Variants in CHST11 observed in about 807,000 individuals in gnomAD.
CHST11 encodes the protein carbohydrate sulfotransferase 11.
In CHST11, 9 loss-of-function variants were observed where a neutral mutation model predicts 30.4. That is an observed-to-expected ratio of 0.30 (90% CI 0.18 to 0.52). The LOEUF is 0.52. CHST11 is among the 20% of genes least tolerant of loss of function. The pLI is 0.97. For synonymous variants in CHST11, 152 were observed against 187.8 expected (o/e 0.81, Z 1.56); for missense variants, 348 against 460.6 (o/e 0.76, Z 2.24).
chr12:104,636,407 C>T (rs777344202), intron 2 of CHST11, among the ~76,000 whole-genome samples: 7 of 152,166 alleles, frequency 4.6e-5, no homozygotes, highest in South Asian at 2.1e-4. Context: ...CAGTTCTCTC[C>T]GTCTGTTCTC....
At chr12:104,667,394 G>C (rs1368442813) in intron 2 of CHST11, among the ~76,000 whole-genome samples, 1 of 152,140 alleles carries the variant, frequency 6.6e-6, no homozygotes, top group East Asian at 1.9e-4. Context: ...CCTTGGTTTT[G>C]CTAGATACTG....
chr12:104,496,231 G>A (rs894367804), intron 1 of CHST11, among the ~76,000 whole-genome samples: 1 of 152,172 alleles, frequency 6.6e-6, no homozygotes, highest in South Asian at 2.1e-4. Context: ...AAGGTGTGTT[G>A]ATGAGTTATT....
chr12:104,519,542 G>T (rs2135987093), intron 1 of CHST11, among the ~76,000 whole-genome samples: 1 of 152,280 alleles, frequency 6.6e-6, no homozygotes, highest in Admixed American at 6.5e-5. Context: ...ACCTGTAGAA[G>T]AATCTAGAAA....
At chr12:104,619,847 C>G (rs2039144126) in intron 2 of CHST11, among the ~76,000 whole-genome samples, 1 of 152,188 alleles carries the variant, frequency 6.6e-6, no homozygotes, top group Non-Finnish European at 1.5e-5. Flanking sequence ...GCAGATGGAA[C>G]ATTCTGGTTT....
At chr12:104,541,957 A>G (rs1310223910) in intron 1 of CHST11, among the ~76,000 whole-genome samples, 1 of 152,218 alleles carries the variant, frequency 6.6e-6, no homozygotes, top group Non-Finnish European at 1.5e-5. Context: ...CAGTTGCTAT[A>G]CCAGAGGTAA....
At chr12:104,616,784 C>T (rs754881485) in intron 2 of CHST11, among the ~76,000 whole-genome samples, 7 of 152,120 alleles carry the variant, frequency 4.6e-5, no homozygotes, top group Non-Finnish European at 1.0e-4. Context: ...TTAACAGACT[C>T]CCAGGTGGTC....
intron 2 of CHST11, among the ~76,000 whole-genome samples, chr12:104,708,650 C>G (rs2040057885): frequency 6.6e-6 from 1 of 152,176 alleles, no homozygotes. Flanking sequence ...GCCGTCCTCA[C>G]CATCTCTGGG....
intron 1 of CHST11, among the ~76,000 whole-genome samples, chr12:104,541,329 A>G (rs1402400795): frequency 6.6e-6 from 1 of 152,198 alleles, no homozygotes; most frequent in African/African-American, 2.4e-5. Context: ...CTTAAATGAC[A>G]GTCTGGCTTG....
At chr12:104,717,364 G>A (rs1159839479) in intron 2 of CHST11, among the ~76,000 whole-genome samples, 4 of 152,144 alleles carry the variant, frequency 2.6e-5, no homozygotes, top group African/African-American at 9.7e-5. Context: ...TTAGACCAGC[G>A]CTTCCTTCAG....
intron 1 of CHST11, among the ~76,000 whole-genome samples, chr12:104,498,846 C>T (rs552976142): frequency 7.4e-4 from 112 of 152,216 alleles, no homozygotes; most frequent in Admixed American, 2.4e-3. Flanking sequence ...ACCTTTAATA[C>T]GATAGTTTTT....
At chr12:104,724,889 A>G (rs1329830379) in intron 2 of CHST11, among the ~76,000 whole-genome samples, 1 of 152,242 alleles carries the variant, frequency 6.6e-6, no homozygotes, top group Non-Finnish European at 1.5e-5. Context: ...GGACATACTC[A>G]TACTAAAATG....
At chr12:104,735,877 T>C (rs1404885698) in intron 2 of CHST11, among the ~76,000 whole-genome samples, 2 of 152,174 alleles carry the variant, frequency 1.3e-5, no homozygotes, top group Admixed American at 1.3e-4. Context: ...GCCTCTGTTT[T>C]GGTCTGGAGG....
chr12:104,734,818 C>T (rs1225232501), intron 2 of CHST11, among the ~76,000 whole-genome samples: 2 of 152,200 alleles, frequency 1.3e-5, no homozygotes, highest in African/African-American at 2.4e-5. Context: ...AGACAAAAGA[C>T]AGATAATATG....
chr12:104,713,940 G>T (rs1367624905), intron 2 of CHST11, among the ~76,000 whole-genome samples: 3 of 152,186 alleles, frequency 2.0e-5, no homozygotes, highest in Admixed American at 6.5e-5. Flanking sequence ...CATTCTGGCA[G>T]TGGGTTCTCC....
chr12:104,570,297 C>G (rs1356041768), intron 1 of CHST11, among the ~76,000 whole-genome samples: 2 of 152,164 alleles, frequency 1.3e-5, no homozygotes, highest in Non-Finnish European at 2.9e-5. Flanking sequence ...AGAAAATCGA[C>G]TCATTTTTAA....
chr12:104,564,260 C>T (rs2038540285), intron 1 of CHST11, among the ~76,000 whole-genome samples: 1 of 152,218 alleles, frequency 6.6e-6, no homozygotes, highest in Admixed American at 6.5e-5. Flanking sequence ...GAAGCCCAGA[C>T]ACACTCCAGA....
rs7972457 is a variant in CHST11 at position 104,761,458 on chromosome 12, C to T, written c.*3655C>T. On this transcript the variant is annotated 3_prime_UTR_variant, in exon 3 of 3. Coordinates refer to ENST00000303694, the MANE Select transcript of CHST11 (RefSeq NM_018413.6). ...ACTCTGCTTGCTTTCCTAGCCAGTC[C>T]TCCCCTACACACACACACACACACA... is the stretch of plus-strand genomic sequence containing the variant. 5,717 of 126,254 alleles carry T rather than the reference C, an allele frequency of 0.045. 402 individuals carry two copies. Among genetic ancestry groups the T allele is most frequent in the African/African-American group, 0.16 (5,467 of 34,946 alleles). 7.8% of individuals were successfully genotyped at this position (126,254 alleles called of 1,614,324 possible).
intron 2 of CHST11, among the ~76,000 whole-genome samples, chr12:104,698,530 G>T (rs1477642201): frequency 6.6e-6 from 1 of 152,134 alleles, no homozygotes; most frequent in East Asian, 1.9e-4. Context: ...TAATTCCAAA[G>T]TTCTCACCCA....
At chr12:104,636,509 C>T (rs2039324426) in intron 2 of CHST11, among the ~76,000 whole-genome samples, 1 of 152,236 alleles carries the variant, frequency 6.6e-6, no homozygotes, top group Admixed American at 6.5e-5. Flanking sequence ...TTCTCTATGG[C>T]ACCTTTTGTG....
Sources: allele counts gnomAD v4.1 joint callset (sites outside exome capture counted in the v4.1 genomes callset), GRCh38; gene constraint gnomAD v4.1.1; transcripts MANE v1.5; gene names NCBI Gene and HGNC (gene_info 2026-07-23, HGNC 2026-07-21).